Variants in C10orf67 observed in about 807,000 individuals in gnomAD.
C10orf67 encodes the protein uncharacterized protein C10orf67, mitochondrial.
C10orf67 carries 60 observed loss-of-function variants against 35.6 expected under a neutral mutation model. That is an observed-to-expected ratio of 1.68 (90% CI 1.37 to 2.09). The LOEUF is 2.09. Ranked by LOEUF, C10orf67 falls within the 30% of genes most tolerant of loss-of-function variation. C10orf67 has a pLI of 0.00. For missense variants in C10orf67, 474 were observed against 330.2 expected, an observed-to-expected ratio of 1.44 and a Z score of -3.38; for synonymous variants, 167 against 115.8, an observed-to-expected ratio of 1.44 and a Z score of -2.84.
chr10:23,242,591 A>G (rs1315478561), intron 12 of C10orf67, among the ~76,000 whole-genome samples: 1 of 152,142 alleles, frequency 6.6e-6, no homozygotes, highest in Non-Finnish European at 1.5e-5. Context: ...GAGTTAAAAA[A>G]ACAGAGAGAA....
intron 15 of C10orf67, among the ~76,000 whole-genome samples, chr10:23,216,761 A>T (rs16923113): frequency 6.6e-6 from 1 of 152,176 alleles, no homozygotes; most frequent in Non-Finnish European, 1.5e-5. Context: ...GCTTGAAAAC[A>T]TGCCAAATGA....
At chr10:23,331,186 AAGG>A (rs1218512587) in intron 2 of C10orf67, among the ~76,000 whole-genome samples, 3,334 of 48,996 alleles carry the variant, frequency 0.068, 103 homozygotes, top group Non-Finnish European at 0.077. Context: ...CGGGGAAGGG[AAGG>A]GAAGGGAAGG....
At chr10:23,223,924 A>C in intron 13 of C10orf67, 106 bp from the exon 14 acceptor site, 1 of 658,448 alleles carries the variant, frequency 1.5e-6, no homozygotes, top group South Asian at 1.7e-5. Flanking sequence ...TATGGAAACT[A>C]TGCTTGTCAC....
chr10:23,334,118 C>T (rs1431510359), intron 1 of C10orf67, among the ~76,000 whole-genome samples: 1 of 152,194 alleles, frequency 6.6e-6, no homozygotes, highest in Non-Finnish European at 1.5e-5. Context: ...AACTAAATCT[C>T]TTTGAGGGTG....
chr10:23,344,550 G>T lies in C10orf67; in HGVS notation c.206+19C>A. 1.3e-6 allele frequency: 2 copies of T among 1,560,776 alleles called. No homozygotes were observed. Among genetic ancestry groups the T allele is most frequent in the Non-Finnish European group, 1.7e-6 (2 of 1,153,186 alleles). Reference sequence around the variant, plus strand: ...CCCTGCTCGCTTCCTCCTCTACCCAGGCGCGGAGCTCAGCCTACCTCGTGG... The same window carrying T: ...CCCTGCTCGCTTCCTCCTCTACCCATGCGCGGAGCTCAGCCTACCTCGTGG... On this transcript the variant is annotated intron_variant, in intron 1 of 15. Transcript: ENST00000636213.
intron 15 of C10orf67, among the ~76,000 whole-genome samples, chr10:23,210,511 C>T (rs1370036878): frequency 6.6e-6 from 1 of 152,112 alleles, no homozygotes; most frequent in Non-Finnish European, 1.5e-5. Flanking sequence ...CCTCCATCGC[C>T]TGGGTTCAAG....
chr10:23,307,362 A>G (rs1844327067), intron 4 of C10orf67, among the ~76,000 whole-genome samples: 1 of 152,158 alleles, frequency 6.6e-6, no homozygotes, highest in Non-Finnish European at 1.5e-5. Context: ...ATCTGCTAAT[A>G]TACTTAATGT....
At chr10:23,269,722 G>T (rs1283241916) in intron 8 of C10orf67, among the ~76,000 whole-genome samples, 1 of 151,518 alleles carries the variant, frequency 6.6e-6, no homozygotes, top group Non-Finnish European at 1.5e-5. Context: ...AACATAAGAA[G>T]GCTGGAGAAA....
chr10:23,323,952 T>TATATATATATATACACAC (rs1564513730), intron 2 of C10orf67, among the ~76,000 whole-genome samples: 3 of 64,690 alleles, frequency 4.6e-5, no homozygotes, highest in Non-Finnish European at 6.7e-5. Context: ...TATATATATA[T>TATATATATATATACACAC]ACACACACAC....
chr10:23,245,367 T>G (rs1465371619), intron 12 of C10orf67, among the ~76,000 whole-genome samples: 2 of 152,188 alleles, frequency 1.3e-5, no homozygotes, highest in Admixed American at 1.3e-4. Context: ...TAAGTAGGAT[T>G]ATTTCAAACT....
chr10:23,325,771 A>T (rs959234755), intron 2 of C10orf67, among the ~76,000 whole-genome samples: 2 of 152,028 alleles, frequency 1.3e-5, no homozygotes, highest in African/African-American at 4.8e-5. Flanking sequence ...AGAATTGCCA[A>T]AGATGTTAAA....
At chr10:23,215,208 C>G (rs1278462872) in intron 15 of C10orf67, among the ~76,000 whole-genome samples, 3 of 151,996 alleles carry the variant, frequency 2.0e-5, no homozygotes, top group Non-Finnish European at 4.4e-5. Flanking sequence ...ATTAAAGAAA[C>G]TAAATTTGTA....
At chr10:23,218,509 T>A (rs1334322484) in intron 15 of C10orf67, among the ~76,000 whole-genome samples, 5 of 152,052 alleles carry the variant, frequency 3.3e-5, no homozygotes, top group Non-Finnish European at 5.9e-5. Flanking sequence ...ATAGAAAATA[T>A]CTCTAAATAA....
At chr10:23,241,438 G>A (rs1588607811) in intron 12 of C10orf67, among the ~76,000 whole-genome samples, 1 of 152,298 alleles carries the variant, frequency 6.6e-6, no homozygotes, top group East Asian at 1.9e-4. Context: ...GGGGGATATT[G>A]GGATGTGGTA....
chr10:23,217,513 TTAC>T (rs1790092618), intron 15 of C10orf67, among the ~76,000 whole-genome samples: 1 of 152,210 alleles, frequency 6.6e-6, no homozygotes, highest in Admixed American at 6.5e-5. Flanking sequence ...CAGTGTTTTG[TTAC>T]TACCATAATG....
intron 13 of C10orf67, 23 bp downstream of exon 13, chr10:23,239,706 A>G (rs1842132056): frequency 3.2e-6 from 2 of 627,710 alleles, no homozygotes; most frequent in Non-Finnish European, 6.2e-6. Flanking sequence ...GACAAACAGC[A>G]TCTAAACATT....
chr10:23,209,684 T>C (rs1841255574), intron 15 of C10orf67, among the ~76,000 whole-genome samples: 1 of 152,086 alleles, frequency 6.6e-6, no homozygotes, highest in Admixed American at 6.6e-5. Flanking sequence ...TTGTCAAGTA[T>C]ATCTCAATAG....
chr10:23,283,799 A>G (rs972431130), intron 7 of C10orf67, among the ~76,000 whole-genome samples: 12 of 152,042 alleles, frequency 7.9e-5, no homozygotes, highest in African/African-American at 2.9e-4. Context: ...CTGATCCCGT[A>G]GAGTCCAGGC....
rs562125520 is a variant in C10orf67, at chr10:23,290,976, G to A, written c.850+156C>T. 2.0e-5 allele frequency among the ~76,000 whole-genome samples: 3 copies of A among 152,328 alleles called. No homozygotes were observed. In the South Asian group the frequency reaches 6.2e-4, roughly 32 times the overall value. On this transcript the variant is annotated intron_variant, in intron 6 of 15. Transcript: ENST00000636213. Reference sequence around the variant, plus strand: ...ACACATCCTCTGTCCCAAGCAAGAAGTGCTATCTTTAATAAAAAGCAAAGA... The same window carrying A: ...ACACATCCTCTGTCCCAAGCAAGAAATGCTATCTTTAATAAAAAGCAAAGA...
Sources: gnomAD v4.1 joint callset for allele counts (sites outside exome capture counted in the v4.1 genomes callset) on GRCh38, gnomAD v4.1.1 for gene constraint, MANE v1.5 for transcripts, NCBI Gene and HGNC (gene_info 2026-07-23, HGNC 2026-07-21) for gene names.